Variants in KDM1B observed in about 807,000 individuals in gnomAD.
KDM1B encodes the protein lysine-specific histone demethylase 2.
KDM1B carries 63 observed loss-of-function variants against 107.4 expected under a neutral mutation model. That is an observed-to-expected ratio of 0.59 (90% CI 0.48 to 0.72). The LOEUF is 0.72. Among genes scored for constraint, KDM1B ranks in the 30% least tolerant of loss-of-function variants. KDM1B has a pLI of 0.00. For missense variants in KDM1B, 749 were observed against 1,020.8 expected (o/e 0.73, Z 3.63); for synonymous variants, 363 against 363.9 (o/e 1.00, Z 0.03).
At chr6:18,192,765 C>T (rs1293522183) in intron 10 of KDM1B, among the ~76,000 whole-genome samples, 2 of 147,900 alleles carry the variant, frequency 1.4e-5, no homozygotes, top group Middle Eastern at 3.5e-3. Flanking sequence ...AACAGAGAAA[C>T]ACCTTGGATT....
chr6:18,180,745 T>C (rs987143388), intron 7 of KDM1B, among the ~76,000 whole-genome samples: 3 of 152,164 alleles, frequency 2.0e-5, no homozygotes, highest in African/African-American at 7.2e-5. Flanking sequence ...TGTGTATTTT[T>C]AGTAGAGACG....
intron 21 of KDM1B, among the ~76,000 whole-genome samples, chr6:18,221,613 T>C (rs1334738034): frequency 6.6e-6 from 1 of 152,232 alleles, no homozygotes; most frequent in African/African-American, 2.4e-5. Context: ...GCTACATTAC[T>C]TGTCTGATGG....
chr6:18,210,354 T>TTG (rs1788757321), intron 17 of KDM1B, among the ~76,000 whole-genome samples: 1 of 47,670 alleles, frequency 2.1e-5, no homozygotes, highest in Admixed American at 2.4e-4. Flanking sequence ...TTTTTTTTTT[T>TTG]TTTTTTTTTT....
In KDM1B at chr6:18,217,789, C is replaced by G. The variant is rs1287329593; in HGVS notation, c.2289C>G (p.Ile763Met). The change falls in exon 21 of 22, where the codon ATC (isoleucine) becomes ATG (methionine). Residue 763 changes from isoleucine (I) to methionine (M), a missense_variant. Transcript: ENST00000650836. ...CTCGGTGGAGCACAGACCCATGGATCCAGATGGCATACAGTTTTGTGAAGA... is the reference window on the plus strand; with the variant it reads ...CTCGGTGGAGCACAGACCCATGGATGCAGATGGCATACAGTTTTGTGAAGA... The part of the protein sequence containing the change: ...FVTRWSTDPW[I>M]QMAYSFVKTG... 2 of 1,613,856 alleles carry G rather than the reference C, an allele frequency of 1.2e-6. No homozygotes were observed. The highest frequency in any genetic ancestry group is 2.2e-5 in the South Asian group (2 of 91,078).
intron 21 of KDM1B, among the ~76,000 whole-genome samples, chr6:18,220,777 T>G (rs1245044498): frequency 7.1e-6 from 1 of 141,776 alleles, no homozygotes; most frequent in Admixed American, 7.1e-5. Context: ...CACCTTTTCC[T>G]TTTTTTTTTT....
At chr6:18,170,988 CTT>C (rs886648771) in intron 6 of KDM1B, among the ~76,000 whole-genome samples, 1 of 151,712 alleles carries the variant, frequency 6.6e-6, no homozygotes, top group Non-Finnish European at 1.5e-5. Context: ...GCCTGGCTAA[CTT>C]TTTGTATTTT....
At chr6:18,184,388 C>T (rs1786694684) in intron 7 of KDM1B, among the ~76,000 whole-genome samples, 1 of 150,644 alleles carries the variant, frequency 6.6e-6, no homozygotes, top group South Asian at 2.1e-4. Flanking sequence ...GATTCTCCTG[C>T]CTGAGCCTCC....
rs1784968230 is a variant in KDM1B, at chr6:18,161,469, G to A, written c.215+15G>A. 1 of 1,611,924 alleles carries A rather than the reference G, an allele frequency of 6.2e-7. No homozygotes were observed. The highest frequency in any genetic ancestry group is 8.5e-7 in the Non-Finnish European group (1 of 1,179,220). On this transcript the variant is annotated intron_variant, in intron 4 of 21. Transcript: ENST00000650836. Reference sequence around the variant, plus strand: ...GCTTCTGAAAGGTCTGTTTAGATGTGTGTCTTGGCCTCCCATTTCTGCTTG... The same window carrying A: ...GCTTCTGAAAGGTCTGTTTAGATGTATGTCTTGGCCTCCCATTTCTGCTTG...
intron 7 of KDM1B, among the ~76,000 whole-genome samples, chr6:18,181,326 G>A (rs115504087): frequency 0.018 from 2,736 of 152,102 alleles, 42 homozygotes; most frequent in African/African-American, 0.05. Context: ...TTTTTTCTAA[G>A]TTGGTTGTGT....
At chr6:18,217,523 C>T (rs373374961) in intron 20 of KDM1B, among the ~76,000 whole-genome samples, 6 of 151,812 alleles carry the variant, frequency 4.0e-5, no homozygotes, top group Admixed American at 1.3e-4. Context: ...GGACTACAGG[C>T]GCCTGCCATC....
intron 21 of KDM1B, among the ~76,000 whole-genome samples, chr6:18,221,669 A>G (rs1219181083): frequency 6.6e-6 from 1 of 152,184 alleles, no homozygotes; most frequent in Admixed American, 6.5e-5. Context: ...CCTATCACAT[A>G]TACTTAGTAT....
chr6:18,192,084 C>T (rs1787315493), intron 10 of KDM1B, among the ~76,000 whole-genome samples: 2 of 151,096 alleles, frequency 1.3e-5, no homozygotes, highest in African/African-American at 4.9e-5. Flanking sequence ...CATAATGAGA[C>T]CCCCCCATCT....
chr6:18,198,038 A>G (rs1168472887), intron 12 of KDM1B, among the ~76,000 whole-genome samples: 3 of 151,078 alleles, frequency 2.0e-5, no homozygotes, highest in African/African-American at 7.3e-5. Context: ...CTGGGATTAC[A>G]GATGTGTGCC....
intron 6 of KDM1B, among the ~76,000 whole-genome samples, chr6:18,168,525 G>T (rs1307008400): frequency 1.3e-5 from 2 of 152,162 alleles, no homozygotes; most frequent in Admixed American, 6.5e-5. Context: ...TGGACATCTA[G>T]ATCATTTCAA....
At chr6:18,180,589 G>A (rs1383127788) in intron 7 of KDM1B, among the ~76,000 whole-genome samples, 1 of 152,082 alleles carries the variant, frequency 6.6e-6, no homozygotes, top group Non-Finnish European at 1.5e-5. Context: ...TGTTTGAGAA[G>A]GAGTCTTGTT....
chr6:18,188,270 G>C (rs1226776495), intron 9 of KDM1B, among the ~76,000 whole-genome samples: 1 of 152,138 alleles, frequency 6.6e-6, no homozygotes, highest in South Asian at 2.1e-4. Flanking sequence ...TGCGACCTAT[G>C]ATATAAAGCC....
intron 20 of KDM1B, among the ~76,000 whole-genome samples, chr6:18,215,852 T>G (rs1462882758): frequency 6.6e-6 from 1 of 152,086 alleles, no homozygotes; most frequent in African/African-American, 2.4e-5. Flanking sequence ...AGAGGAGCCT[T>G]GGCCAGCTTT....
At chr6:18,218,718 G>A (rs1055634366) in intron 21 of KDM1B, among the ~76,000 whole-genome samples, 2 of 151,840 alleles carry the variant, frequency 1.3e-5, no homozygotes, top group Non-Finnish European at 2.9e-5. Context: ...CATACCCTGG[G>A]TTTGTCTCTC....
chr6:18,218,124 CTTTT>C (rs1561959586), intron 21 of KDM1B, among the ~76,000 whole-genome samples: 1 of 151,812 alleles, frequency 6.6e-6, no homozygotes, highest in Non-Finnish European at 1.5e-5. Context: ...ATCTCTCTTT[CTTTT>C]TTGTTTTTTT....
Sources: gnomAD v4.1 joint callset for allele counts (sites outside exome capture counted in the v4.1 genomes callset) on GRCh38, gnomAD v4.1.1 for gene constraint, MANE v1.5 for transcripts, NCBI Gene and HGNC (gene_info 2026-07-23, HGNC 2026-07-21) for gene names.